Variants in USH1C observed in about 807,000 individuals in gnomAD.
USH1C encodes USH1 protein network component harmonin.
USH1C carries 90 observed loss-of-function variants against 119.3 expected under a neutral mutation model. The ratio of observed to expected loss-of-function variants is 0.75; its 90% confidence interval spans 0.64 to 0.90. The LOEUF (loss-of-function observed/expected upper bound fraction) is 0.90, where lower values mean the gene tolerates loss of function less well. Ranked by LOEUF, USH1C falls within the 40% of genes least tolerant of loss-of-function variation. The pLI, the probability that USH1C is intolerant of heterozygous loss-of-function variation, is 0.00. For synonymous variants in USH1C, 465 were observed against 443.3 expected (o/e 1.05, Z -0.62); for missense variants, 1,165 against 1,167.7 (o/e 1.00, Z 0.03).
chr11:17,520,827 T>C (rs1257269319), intron 14 of USH1C, 43 bp downstream of exon 14: 1 of 1,613,324 alleles, frequency 6.2e-7, no homozygotes, highest in East Asian at 2.2e-5. Flanking sequence ...CCAGCATTTC[T>C]GACTAGTTCC....
intron 8 of USH1C, 44 bp from the exon 9 acceptor site, chr11:17,524,579 T>C (rs376872021): frequency 3.6e-4 from 554 of 1,548,418 alleles, no homozygotes; most frequent in Non-Finnish European, 4.5e-4. Flanking sequence ...AGGTAACCCA[T>C]GTCCAGTGCT....
rs979058243 is a variant in USH1C, at chr11:17,531,572, T to G, written c.105-30A>C. The G allele has an allele frequency of 6.2e-7, 1 of 1,610,284 alleles. No individual in the cohort carries two copies. Among genetic ancestry groups the G allele is most frequent in the African/African-American group, 1.3e-5 (1 of 74,826 alleles). On this transcript the variant is annotated intron_variant, in intron 2 of 26. Transcript: ENST00000005226. This position sits in a 1 kb window ranked among gnomAD's most constrained non-coding sequence, Gnocchi z 4.2. ...GGAGATGCCGGGAATGCCTGGAGCC[T>G]CACCCCTGGCCATGACCTCAGGCAC...
chr11:17,523,131 G>A (rs1850493287), intron 11 of USH1C, 80 bp downstream of exon 11: 2 of 1,586,946 alleles, frequency 1.3e-6, no homozygotes, highest in Admixed American at 1.7e-5. Flanking sequence ...AGCCACCCTG[G>A]GAGTGTGTGG....
chr11:17,543,294 G>T (rs1851549934), intron 1 of USH1C, among the ~76,000 whole-genome samples: 2 of 152,176 alleles, frequency 1.3e-5, no homozygotes, highest in African/African-American at 4.8e-5. Flanking sequence ...GTTTGGCTTG[G>T]TCTAAAGACA....
At chr11:17,543,420 C>G (rs1405665237) in intron 1 of USH1C, among the ~76,000 whole-genome samples, 1 of 152,222 alleles carries the variant, frequency 6.6e-6, no homozygotes, top group African/African-American at 2.4e-5. Flanking sequence ...CCACCCACCC[C>G]CCCCAAGCGG....
intron 9 of USH1C, among the ~76,000 whole-genome samples, chr11:17,523,696 C>T (rs567446368): frequency 6.6e-6 from 1 of 152,316 alleles, no homozygotes; most frequent in East Asian, 1.9e-4. Flanking sequence ...ACTATCTTAT[C>T]AACTATCAAA....
Position 17,512,581 on chromosome 11 carries a change from C to T in USH1C, c.1261-527G>A, listed in dbSNP as rs181271206. The stretch of plus-strand genomic sequence containing the variant: ...CATCCTGGGAGATTCCAGAGAAAAT[C>T]TGGGAGGGCTGGCAAGCTTCATCTG... On this transcript the variant is annotated intron_variant, in intron 15 of 26. Coordinates refer to ENST00000005226, the MANE Select transcript of USH1C (RefSeq NM_153676.4). 1.5e-4 allele frequency among the ~76,000 whole-genome samples: 23 copies of T among 152,298 alleles called. No homozygotes were observed. In the East Asian group the frequency reaches 3.7e-3, roughly 24 times the overall value.
intron 21 of USH1C, 77 bp downstream of exon 21, chr11:17,501,859 GCAC>G: frequency 6.6e-7 from 1 of 1,507,308 alleles, no homozygotes; most frequent in Non-Finnish European, 9.1e-7. Flanking sequence ...GGCCCAGAAT[GCAC>G]CACTATCAAA....
Position 17,522,812 on chromosome 11 carries a change from G to A in USH1C, c.991C>T (p.Leu331Phe). 6.2e-7 allele frequency: 1 copy of A among 1,614,010 alleles called. No homozygotes were observed. The highest frequency in any genetic ancestry group is 8.5e-7 in the Non-Finnish European group (1 of 1,179,996). Residue 331 changes from leucine to phenylalanine, a missense_variant, in exon 12 of 27, where the codon CTC becomes TTC. Physicochemically the swap from Leu to Phe is conservative, Grantham distance 22. Transcript: ENST00000005226. ...KRLAMESNKI[L>F]QEQQEMERQR... The stretch of plus-strand genomic sequence containing the variant: ...CGCTCCATCTCCTGCTGCTCCTGGA[G>A]GATCTTGTTGGACTCCATCGCCAGC...
chr11:17,518,533 G>T (rs556082067), intron 14 of USH1C, among the ~76,000 whole-genome samples: 3 of 152,240 alleles, frequency 2.0e-5, no homozygotes, highest in Non-Finnish European at 4.4e-5. Context: ...AGGAGCCTCT[G>T]TGGTGGTGTC....
intron 1 of USH1C, among the ~76,000 whole-genome samples, chr11:17,539,328 G>T (rs976040205): frequency 6.6e-6 from 1 of 152,160 alleles, no homozygotes; most frequent in Non-Finnish European, 1.5e-5. Context: ...GGCCTGGCTT[G>T]TGAGTGTGGT....
At chr11:17,502,133 G>T in intron 20 of USH1C, 153 bp from the exon 21 acceptor site, 1 of 687,380 alleles carries the variant, frequency 1.5e-6, no homozygotes, top group Non-Finnish European at 2.4e-6. Flanking sequence ...CAGACAGGAG[G>T]CCGGCAGCCC....
chr11:17,536,968 C>T (rs1851254504), intron 1 of USH1C, among the ~76,000 whole-genome samples: 1 of 152,170 alleles, frequency 6.6e-6, no homozygotes, highest in Admixed American at 6.5e-5. Flanking sequence ...ATCATTCTCA[C>T]CCAGAAATAT....
In USH1C at chr11:17,496,831, G is replaced by A. The variant is rs1849265890; in HGVS notation, c.2491-18C>T. 1 of 1,613,980 alleles carries A rather than the reference G, an allele frequency of 6.2e-7. No homozygotes were observed. Among genetic ancestry groups the A allele is most frequent in the African/African-American group, 1.3e-5 (1 of 74,944 alleles). On this transcript the variant is annotated intron_variant, in intron 24 of 26. Transcript: ENST00000005226. Reference sequence around the variant, plus strand: ...ATCCAGTCCTGTGGGGAGAAGCCGTGTGACTCTGGGGCACACTCAGTTGGA... The same window carrying A: ...ATCCAGTCCTGTGGGGAGAAGCCGTATGACTCTGGGGCACACTCAGTTGGA...
rs1356208794 is a variant in USH1C at position 17,533,150 on chromosome 11, A to C, written c.104+105T>G. ...GTCCATTTGATTTCCAGGAGCCGTG[A>C]GCATCCACCCTCTGAGCTCCTCTGT... On this transcript the variant is annotated intron_variant, in intron 2 of 26. Coordinates refer to ENST00000005226, the MANE Select transcript of USH1C (RefSeq NM_153676.4). 2.3e-5 allele frequency: 19 copies of C among 842,946 alleles called. No homozygotes were observed. In the East Asian group the frequency reaches 4.1e-4, roughly 18 times the overall value. The allele number at this position is 842,946 out of a possible 1,614,324, so 52.2% of individuals were successfully genotyped here.
At chr11:17,494,588 C>T (rs1246164836) in intron 26 of USH1C, 1 of 622,960 alleles carries the variant, frequency 1.6e-6, no homozygotes, top group African/African-American at 1.8e-5. Flanking sequence ...GGGAGGGACA[C>T]CTGGGATGGG....
At chr11:17,504,119 C>A (rs1239331825) in intron 20 of USH1C, among the ~76,000 whole-genome samples, 1 of 152,192 alleles carries the variant, frequency 6.6e-6, no homozygotes, top group Non-Finnish European at 1.5e-5. Flanking sequence ...TGATGCCACT[C>A]AGAGGACCAG....
In USH1C at chr11:17,527,003, A is replaced by G. The variant is rs993568936; in HGVS notation, c.521+13T>C. 4 of 1,564,246 alleles carry G rather than the reference A, an allele frequency of 2.6e-6. No homozygotes were observed. On this transcript the variant is annotated intron_variant, in intron 6 of 26. Coordinates refer to ENST00000005226, the MANE Select transcript of USH1C (RefSeq NM_153676.4). ...ACAGGGAAGAGTTGGCCTGCAGAGG[A>G]GGGGCCTCTCACCTTTTCACGGGGA...
In USH1C at chr11:17,510,505, C is replaced by T. The variant is rs146333270; in HGVS notation, c.1430G>A (p.Arg477Gln). The T allele has an allele frequency of 5.3e-4, 854 of 1,613,896 alleles. No homozygotes were observed. Among genetic ancestry groups the T allele is most frequent in the Non-Finnish European group, 6.6e-4 (784 of 1,179,850 alleles). The change falls in exon 17 of 27, where the codon CGG becomes CAG. Residue 477 changes from arginine (R) to glutamine (Q), a missense_variant. Physicochemically the swap from Arg to Gln is conservative, Grantham distance 43. Coordinates refer to ENST00000005226, the MANE Select transcript of USH1C (RefSeq NM_153676.4). Reference sequence around the variant, plus strand: ...CTTTTCCGATTCTTCAAGGTCTTCCCGCTCTGTCTCAGACACCTGGGACCC... The same window carrying T: ...CTTTTCCGATTCTTCAAGGTCTTCCTGCTCTGTCTCAGACACCTGGGACCC... ...RLAQEVSETEREDLEESEKIQ... is the reference protein window; with the variant it reads ...RLAQEVSETEQEDLEESEKIQ...
Sources: gnomAD v4.1 joint callset for allele counts (sites outside exome capture counted in the v4.1 genomes callset) on GRCh38, gnomAD v4.1.1 for gene constraint, Gnocchi (gnomAD v3.1) non-coding constraint, MANE v1.5 for transcripts, NCBI Gene and HGNC (gene_info 2026-07-23, HGNC 2026-07-21) for gene names.